Variants in CYP2A6 observed in about 807,000 individuals in gnomAD.
The protein encoded by CYP2A6 is cytochrome P450 2A6.
A neutral mutation model predicts 42.3 loss-of-function variants in CYP2A6; 27 were observed. The observed-to-expected ratio is 0.64, with a 90% CI of 0.47 to 0.88. The LOEUF (loss-of-function observed/expected upper bound fraction) is 0.88. Among genes scored for constraint, CYP2A6 ranks in the 40% least tolerant of loss-of-function variants. The pLI, the probability that CYP2A6 is intolerant of heterozygous loss-of-function variation, is 0.00. For synonymous variants in CYP2A6, 238 were observed against 246.3 expected (o/e 0.97, Z 0.31); for missense variants, 628 against 646.0 (o/e 0.97, Z 0.30).
chr19:40,844,610 C>A, intron 8 of CYP2A6, 21 bp downstream of exon 8: 1 of 1,611,150 alleles, frequency 6.2e-7, no homozygotes, highest in African/African-American at 1.3e-5. Context: ...CGTGGCCTGG[C>A]AGCAAACAGT....
In CYP2A6 at chr19:40,845,437, G is replaced by T. The variant is rs2145120947; in HGVS notation, c.1018C>A (p.Gln340Lys). The T allele has an allele frequency of 6.2e-7, 1 of 1,611,836 alleles. No homozygotes were observed. The highest frequency in any genetic ancestry group is 1.7e-4 in the Middle Eastern group (1 of 6,058). The stretch of plus-strand genomic sequence containing the variant: ...TTGGCCCGGTCCTCAAACTTGGGCT[G>T]CCGGTTCTTGCCGATCACTCTGTCA... The part of the protein sequence containing the change: ...EIDRVIGKNR[Q>K]PKFEDRAKMP... Residue 340 changes from glutamine (Q) to lysine (K), a missense_variant, in exon 7 of 9, where the codon CAG becomes AAG. Coordinates refer to ENST00000301141, the MANE Select transcript of CYP2A6 (RefSeq NM_000762.6).
intron 4 of CYP2A6, 52 bp downstream of exon 4, chr19:40,848,167 G>A (rs1967132823): frequency 2.9e-5 from 46 of 1,600,998 alleles, no homozygotes; most frequent in Non-Finnish European, 3.8e-5. Flanking sequence ...AGGTAGGGGA[G>A]CAGTTGGCAG....
rs1967200742 is a variant in CYP2A6, at chr19:40,850,399, C to T, written c.28G>A (p.Ala10Thr). The change falls in exon 1 of 9, where the codon GCC (alanine) becomes ACC (threonine). Residue 10 changes from alanine (A) to threonine (T), a missense_variant. Around this residue, in one of 2 missense-constraint regions of CYP2A6, gnomAD observed 606 missense variants for 568.1 expected, o/e 1.07. Transcript: ENST00000301141. The part of the protein sequence containing the change: MLASGMLLV[A>T]LLVCLTVMVL... ...ATTACAGTCAGGCAGACCAGCAAGG[C>T]CACCAGAAGCATCCCTGAGGCCAGC... 2 of 1,609,866 alleles carry T rather than the reference C, an allele frequency of 1.2e-6. No homozygotes were observed. The highest frequency in any genetic ancestry group is 1.7e-6 in the Non-Finnish European group (2 of 1,178,580).
chr19:40,848,538 C>T, intron 3 of CYP2A6, 76 bp downstream of exon 3: 2 of 1,591,334 alleles, frequency 1.3e-6, no homozygotes, highest in South Asian at 1.1e-5. Context: ...TCCCCATCCC[C>T]AGGCAGAACG....
chr19:40,845,949 G>A lies in CYP2A6; in HGVS notation c.973+7C>T. The A allele has an allele frequency of 6.2e-7, 1 of 1,610,680 alleles. No individual in the cohort carries two copies. Among genetic ancestry groups the A allele is most frequent in the Non-Finnish European group, 8.5e-7 (1 of 1,179,482 alleles). ...GGCCCTCCACTTCCGTCCCCCTCCA[G>A]CCTTACCCTCCACCTCTGGGTGCTT... On this transcript the variant is annotated splice_region_variant and intron_variant, in intron 6 of 8. Transcript: ENST00000301141.
intron 2 of CYP2A6, among the ~76,000 whole-genome samples, 177 bp from the exon 3 acceptor site, chr19:40,848,940 T>G (rs1211316955): frequency 4.5e-5 from 3 of 66,122 alleles, no homozygotes; most frequent in African/African-American, 1.4e-4. Context: ...GATGTCGAGG[T>G]AGAGAGAGAG....
In CYP2A6 at chr19:40,850,254, A is replaced by G. The variant is rs752873366; in HGVS notation, c.173T>C (p.Leu58Pro). 1 of 1,608,108 alleles carries G rather than the reference A, an allele frequency of 6.2e-7. No individual in the cohort carries two copies. Among genetic ancestry groups the G allele is most frequent in the South Asian group, 1.1e-5 (1 of 90,450 alleles). Residue 58 changes from leucine to proline, a missense_variant, in exon 1 of 9, where the codon CTC becomes CCC. By Grantham distance (98) the Leu-to-Pro change is moderately conservative. This residue lies in a region of CYP2A6 where 606 missense variants were observed against 568.1 expected (regional missense o/e 1.07). Coordinates refer to ENST00000301141, the MANE Select transcript of CYP2A6 (RefSeq NM_000762.6). ...CTCCCTGCCTTGGGACACCTTCATG[A>G]GGGAGTTGTACATCTGCTCTGTGTT... is the stretch of plus-strand genomic sequence containing the variant. ...QLNTEQMYNS[L>P]MKISERYGPV... is the part of the protein sequence containing the mutation.
intron 7 of CYP2A6, 190 bp from the exon 8 acceptor site, chr19:40,844,962 C>T (rs2083448284): frequency 1.3e-6 from 1 of 755,142 alleles, no homozygotes; most frequent in Non-Finnish European, 2.1e-6. Context: ...GTTTGGGAGA[C>T]ATGGGGTCCA....
intron 2 of CYP2A6, among the ~76,000 whole-genome samples, chr19:40,849,045 G>GGGGA (rs1967169791): frequency 4.1e-5 from 1 of 24,246 alleles, no homozygotes; most frequent in Non-Finnish European, 6.9e-5. Flanking sequence ...AAGAGAGAGA[G>GGGGA]GAGAGAGAGA....
Position 40,848,604 on chromosome 19 carries a change from C to A in CYP2A6, c.493+10G>T, listed in dbSNP as rs758101484. 5 of 1,610,372 alleles carry A rather than the reference C, an allele frequency of 3.1e-6. No homozygotes were observed. The highest frequency in any genetic ancestry group is 4.2e-6 in the Non-Finnish European group (5 of 1,178,870). On this transcript the variant is annotated intron_variant, in intron 3 of 8. Coordinates refer to ENST00000301141, the MANE Select transcript of CYP2A6 (RefSeq NM_000762.6). ...TTCTCCTGCCCCCGCACTCGGGGTC[C>A]CCTGCTCACCGCCAGTGCCCCGGAG...
chr19:40,843,764 G>C lies in CYP2A6; in HGVS notation c.*32C>G. The C allele has an allele frequency of 6.5e-7, 1 of 1,540,924 alleles. No individual in the cohort carries two copies. The highest frequency in any genetic ancestry group is 8.7e-7 in the Non-Finnish European group (1 of 1,147,354). On this transcript the variant is annotated 3_prime_UTR_variant, in exon 9 of 9. Coordinates refer to ENST00000301141, the MANE Select transcript of CYP2A6 (RefSeq NM_000762.6). ...TTGGCCCTGCCCTTTCCCTGGCCCC[G>C]CCCACCAGACCTGCACCGGCACAGC...
At chr19:40,845,708 C>G (rs1418158789) in intron 6 of CYP2A6, among the ~76,000 whole-genome samples, 1 of 151,344 alleles carries the variant, frequency 6.6e-6, no homozygotes, top group Non-Finnish European at 1.5e-5. Context: ...GGGGATGACC[C>G]GGTGGAACGG....
At chr19:40,849,757 T>C (rs1967185509) in intron 2 of CYP2A6, 61 bp downstream of exon 2, 1 of 1,602,196 alleles carries the variant, frequency 6.2e-7, no homozygotes, top group South Asian at 1.1e-5. Context: ...GGGAGAAGGC[T>C]GGGAACACTG....
chr19:40,849,043 GAGGAGA>G (rs1326382031), intron 2 of CYP2A6, among the ~76,000 whole-genome samples: 349 of 32,024 alleles, frequency 0.011, 39 homozygotes, highest in African/African-American at 0.028. Flanking sequence ...AGAAGAGAGA[GAGGAGA>G]GAGAGAGAGA....
chr19:40,847,164 T>C (rs943149368), intron 4 of CYP2A6, 113 bp from the exon 5 acceptor site: 39 of 1,468,626 alleles, frequency 2.7e-5, no homozygotes, highest in Non-Finnish European at 3.3e-5. Context: ...GGCATCTGTC[T>C]CGTTGTTTAG....
Position 40,848,752 on chromosome 19 carries a change from T to G in CYP2A6, c.355A>C (p.Ser119Arg), listed in dbSNP as rs775307540. 2 of 1,611,292 alleles carry G rather than the reference T, an allele frequency of 1.2e-6. No homozygotes were observed. Among genetic ancestry groups the G allele is most frequent in the Non-Finnish European group, 8.5e-7 (1 of 1,179,796 alleles). The change falls in exon 3 of 9, where the codon AGC (serine) becomes CGC (arginine). Residue 119 changes from serine (S) to arginine (R), a missense_variant. By Grantham distance (110) the Ser-to-Arg change is moderately radical. Transcript: ENST00000301141. ...WVFKGYGVVF[S>R]NGERAKQLRR... ...AGCTGCTTGGCGCGCTCCCCGTTGCTGAATACCACGCCTGGGGAGGTGAAC... is the reference window on the plus strand; with the variant it reads ...AGCTGCTTGGCGCGCTCCCCGTTGCGGAATACCACGCCTGGGGAGGTGAAC...
intron 6 of CYP2A6, 96 bp from the exon 7 acceptor site, chr19:40,845,577 G>T (rs2302989): frequency 1.3e-6 from 2 of 1,538,968 alleles, no homozygotes; most frequent in Admixed American, 3.7e-5. Flanking sequence ...ATATGGCTCC[G>T]CCTATGAGAC....
In CYP2A6 at chr19:40,845,867, G is replaced by T. The variant is rs185020627; in HGVS notation, c.973+89C>A. The T allele has an allele frequency of 5.8e-6, 9 of 1,545,030 alleles. No individual in the cohort carries two copies. The Admixed American group carries it at 1.8e-4, about 31-fold the overall frequency. On this transcript the variant is annotated intron_variant, in intron 6 of 8. Coordinates refer to ENST00000301141, the MANE Select transcript of CYP2A6 (RefSeq NM_000762.6). ...ACAGCAAGTCACGTCTCAGGGTCCC[G>T]GGATCTGGGACAGGTGGGGACATTG...
rs8192730 is a variant in CYP2A6, at chr19:40,844,677, C to G, written c.1257G>C (p.Glu419Asp). The G allele has an allele frequency of 1.2e-3, 1,901 of 1,610,716 alleles. 64 individuals are homozygous for G. The African/African-American group carries it at 0.019, about 16-fold the overall frequency. Reference protein sequence around the residue: ...QDFNPQHFLNEKGQFKKSDAF... With the variant: ...QDFNPQHFLNDKGQFKKSDAF... ...CATCACTCTTCTTAAACTGCCCCTT[C>G]TCATTCAGGAAGTGCTGGGGATTGA... Residue 419 changes from glutamate to aspartate, a missense_variant, in exon 8 of 9, where the codon GAG becomes GAC. Glu to Asp is a conservative substitution (Grantham distance 45). Coordinates refer to ENST00000301141, the MANE Select transcript of CYP2A6 (RefSeq NM_000762.6).
Sources: gnomAD v4.1 joint callset for allele counts (sites outside exome capture counted in the v4.1 genomes callset) on GRCh38, gnomAD v4.1.1 for gene constraint, gnomAD v4.1.1 regional missense constraint, MANE v1.5 for transcripts, NCBI Gene and HGNC (gene_info 2026-07-23, HGNC 2026-07-21) for gene names.